Variants in CDIP1 observed in about 807,000 individuals in gnomAD.
The protein encoded by CDIP1 is cell death inducing p53 target 1.
CDIP1 carries 9 observed loss-of-function variants against 17.7 expected under a neutral mutation model. That is an observed-to-expected ratio of 0.51 (90% CI 0.31 to 0.89). CDIP1 has a LOEUF of 0.89. Among genes scored for constraint, CDIP1 ranks in the 40% least tolerant of loss-of-function variants. The pLI, the probability that CDIP1 is intolerant of heterozygous loss-of-function variation, is 0.05. For missense variants in CDIP1, 263 were observed against 277.9 expected (o/e 0.95, Z 0.38); for synonymous variants, 117 against 109.5 (o/e 1.07, Z -0.43).
chr16:4,521,620 G>A (rs116387935), intron 1 of CDIP1, among the ~76,000 whole-genome samples: 4 of 151,586 alleles, frequency 2.6e-5, no homozygotes, highest in Admixed American at 1.3e-4. Context: ...TCCAGCACTC[G>A]GGGAGGCCGA....
At chr16:4,520,633 A>G (rs2058936571) in intron 1 of CDIP1, among the ~76,000 whole-genome samples, 1 of 152,186 alleles carries the variant, frequency 6.6e-6, no homozygotes, top group African/African-American at 2.4e-5. Context: ...TATTTTTTTA[A>G]ATCACATTGC....
intron 1 of CDIP1, among the ~76,000 whole-genome samples, chr16:4,524,453 AC>A (rs2141646848): frequency 6.6e-6 from 1 of 152,350 alleles, no homozygotes; most frequent in East Asian, 1.9e-4. Context: ...AAGTCCATCA[AC>A]CAAGAGGGTC....
rs117229454 is a variant in CDIP1 at position 4,512,706 on chromosome 16, C to G, written c.516-23G>C. Reference sequence around the variant, plus strand: ...CATCTGAATCAGAGACAGGGAAGAACAGGCTGAGGCCTGCTGCGGAGGAGG... The same window carrying G: ...CATCTGAATCAGAGACAGGGAAGAAGAGGCTGAGGCCTGCTGCGGAGGAGG... On this transcript the variant is annotated intron_variant, in intron 5 of 5. Coordinates refer to ENST00000567695, the MANE Select transcript of CDIP1 (RefSeq NM_013399.3). This position sits in a 1 kb window ranked among gnomAD's most constrained non-coding sequence, Gnocchi z 4.6. 1.9e-6 allele frequency: 3 copies of G among 1,609,236 alleles called. No homozygotes were observed. The highest frequency in any genetic ancestry group is 2.2e-5 in the South Asian group (2 of 91,004).
Position 4,512,949 on chromosome 16 carries a change from T to C in CDIP1, c.357A>G (p.Ser119=), listed in dbSNP as rs1190930141. Residue 119 remains serine, a synonymous_variant, in exon 5 of 6, where the codon TCA becomes TCG. Coordinates refer to ENST00000567695, the MANE Select transcript of CDIP1 (RefSeq NM_013399.3). The surrounding 1 kb of genome is among the most constrained non-coding windows in gnomAD (Gnocchi z 4.6). The part of the protein sequence containing the change: ...GGHTATVLVP[S]GAATTVTVLQ... ...GCACTGTCACCGTGGTGGCAGCTCC[T>C]GAAGGGACCAGGACTGTGGCTGTGT... is the stretch of plus-strand genomic sequence containing the variant. 1 of 1,585,772 alleles carries C rather than the reference T, an allele frequency of 6.3e-7. No individual in the cohort carries two copies. The highest frequency in any genetic ancestry group is 8.6e-7 in the Non-Finnish European group (1 of 1,166,754).
chr16:4,522,295 A>C (rs950385519), intron 1 of CDIP1: 3 of 152,310 alleles, frequency 2.0e-5, no homozygotes, highest in African/African-American at 7.2e-5. Flanking sequence ...CAAGGTTGGC[A>C]ATGCCCCTGG....
Position 4,529,684 on chromosome 16 carries a change from A to T in CDIP1, c.-105+9018T>A, listed in dbSNP as rs2059035426. 2.0e-5 allele frequency among the ~76,000 whole-genome samples: 3 copies of T among 152,256 alleles called. No individual in the cohort carries two copies. The South Asian group carries it at 6.2e-4, about 32-fold the overall frequency. ...TTTAAGTGCTCAAAATGGAGCCCTT[A>T]AAAAAAATCCTTCTGTCTGCCTGTA... is the stretch of plus-strand genomic sequence containing the variant. On this transcript the variant is annotated intron_variant, in intron 1 of 5. Coordinates refer to ENST00000567695, the MANE Select transcript of CDIP1 (RefSeq NM_013399.3).
chr16:4,534,897 T>C (rs2059092409), intron 1 of CDIP1, among the ~76,000 whole-genome samples: 2 of 151,878 alleles, frequency 1.3e-5, no homozygotes, highest in Non-Finnish European at 2.9e-5. Context: ...TTTGTATTTT[T>C]AGTAGAGACG....
chr16:4,538,156 G>C (rs2059129826), intron 1 of CDIP1, among the ~76,000 whole-genome samples: 1 of 152,168 alleles, frequency 6.6e-6, no homozygotes, highest in African/African-American at 2.4e-5. Context: ...GTGCGGGCGA[G>C]CAGGCTGCCA....
chr16:4,522,672 C>A, intron 1 of CDIP1: 1 of 152,494 alleles, frequency 6.6e-6, no homozygotes, highest in Non-Finnish European at 1.5e-5. Context: ...ATGGCAAGGC[C>A]CAAACCAGGT....
In CDIP1 at chr16:4,514,268, C is replaced by T. The variant is rs891983717; in HGVS notation, c.-14-124G>A. 10 of 593,764 alleles carry T rather than the reference C, an allele frequency of 1.7e-5. No individual in the cohort carries two copies. Among genetic ancestry groups the T allele is most frequent in the Admixed American group, 3.9e-5 (1 of 25,810 alleles). 36.8% of individuals were successfully genotyped at this position (593,764 alleles called of 1,614,324 possible). On this transcript the variant is annotated intron_variant, in intron 2 of 5. Coordinates refer to ENST00000567695, the MANE Select transcript of CDIP1 (RefSeq NM_013399.3). The surrounding 1 kb of genome is among the most constrained non-coding windows in gnomAD (Gnocchi z 5.2). ...GACCATCCTCAGAAGGGTCTGCCTC[C>T]AGGCACTGGGGATCCCCCACCTTTC...
chr16:4,536,670 C>T (rs1285691040), intron 1 of CDIP1: 3 of 151,702 alleles, frequency 2.0e-5, no homozygotes, highest in Admixed American at 6.6e-5. Flanking sequence ...GGCACGGTAG[C>T]TCCTGCCTGT....
At position 4,520,330 on chromosome 16, in the gene CDIP1, C is replaced by G. The variant is rs189396263; in HGVS notation, c.-104-5666G>C. 2.6e-5 allele frequency among the ~76,000 whole-genome samples: 4 copies of G among 152,312 alleles called. No homozygotes were observed. The East Asian group carries it at 7.7e-4, about 29-fold the overall frequency. On this transcript the variant is annotated intron_variant, in intron 1 of 5. Coordinates refer to ENST00000567695, the MANE Select transcript of CDIP1 (RefSeq NM_013399.3). Reference sequence around the variant, plus strand: ...ATGTTGACCAGGATGGTCTCAATCTCTTGACCTCGTCATCTGCCCGCCTCG... The same window carrying G: ...ATGTTGACCAGGATGGTCTCAATCTGTTGACCTCGTCATCTGCCCGCCTCG...
chr16:4,521,773 A>C (rs1022889308), intron 1 of CDIP1, among the ~76,000 whole-genome samples: 1 of 151,288 alleles, frequency 6.6e-6, no homozygotes, highest in African/African-American at 2.4e-5. Flanking sequence ...GACCCCCAAG[A>C]CCCACCACTT....
At chr16:4,532,554 C>T (rs753310022) in intron 1 of CDIP1, 1 of 152,212 alleles carries the variant, frequency 6.6e-6, no homozygotes, top group Non-Finnish European at 1.5e-5. Flanking sequence ...CCTGATAAGC[C>T]GAGAGGCTTG....
rs2058826848 is a variant in CDIP1, at chr16:4,511,382, TCA to T, written c.*1188_*1189del. ...CTACAAACTGAGACTGGGCCACGAT[TCA>T]CAGTGACAGGAGGCCATGCAGTGGC... On this transcript the variant is annotated 3_prime_UTR_variant, in exon 6 of 6. Transcript: ENST00000567695. The T allele has an allele frequency of 6.5e-6, 1 of 152,860 alleles. No homozygotes were observed. Among genetic ancestry groups the T allele is most frequent in the South Asian group, 2.1e-4 (1 of 4,830 alleles). The allele number at this position is 152,860 out of a possible 1,614,324, so 9.5% of individuals were successfully genotyped here.
At chr16:4,518,105 G>A (rs2087006895) in intron 1 of CDIP1, among the ~76,000 whole-genome samples, 1 of 152,204 alleles carries the variant, frequency 6.6e-6, no homozygotes, top group African/African-American at 2.4e-5. Context: ...ACTGTGCTTG[G>A]TGAGTCACTG....
Position 4,512,730 on chromosome 16 carries a change from G to C in CDIP1, c.516-47C>G, listed in dbSNP as rs1395756383. 7 of 1,605,982 alleles carry C rather than the reference G, an allele frequency of 4.4e-6. No individual in the cohort carries two copies. The Admixed American group carries it at 1.2e-4, about 27-fold the overall frequency. On this transcript the variant is annotated intron_variant, in intron 5 of 5. Coordinates refer to ENST00000567695, the MANE Select transcript of CDIP1 (RefSeq NM_013399.3). The surrounding 1 kb of genome is among the most constrained non-coding windows in gnomAD (Gnocchi z 4.6). ...ACAGGCTGAGGCCTGCTGCGGAGGA[G>C]GCAGAGGCAGCCAGTTGACCCTGGT... is the stretch of plus-strand genomic sequence containing the variant.
intron 1 of CDIP1, among the ~76,000 whole-genome samples, chr16:4,521,085 C>T (rs547388633): frequency 5.6e-5 from 5 of 88,726 alleles, no homozygotes; most frequent in African/African-American, 1.4e-4. Context: ...TGATGCAACA[C>T]TGGTGTGTGT....
At position 4,513,142 on chromosome 16, in the gene CDIP1, C is replaced by A; in HGVS notation, c.242-78G>T. The A allele has an allele frequency of 7.2e-7, 1 of 1,387,632 alleles. No homozygotes were observed. The highest frequency in any genetic ancestry group is 9.6e-7 in the Non-Finnish European group (1 of 1,043,180). 86.0% of individuals were successfully genotyped at this position (1,387,632 alleles called of 1,614,324 possible). A position where few individuals can be genotyped will look rare whatever the true frequency, so the allele number is the denominator to read the frequency against. On this transcript the variant is annotated intron_variant, in intron 4 of 5. Coordinates refer to ENST00000567695, the MANE Select transcript of CDIP1 (RefSeq NM_013399.3). The surrounding 1 kb of genome is among the most constrained non-coding windows in gnomAD (Gnocchi z 4.1). ...CAGACAAAGAGATTGGCGCAAAGCC[C>A]CACGGTCCACAGCGCCCAGCGTGCA... is the stretch of plus-strand genomic sequence containing the variant.
Sources: allele counts gnomAD v4.1 joint callset (sites outside exome capture counted in the v4.1 genomes callset), GRCh38; gene constraint gnomAD v4.1.1; non-coding constraint Gnocchi (gnomAD v3.1); transcripts MANE v1.5; gene names NCBI Gene and HGNC (gene_info 2026-07-23, HGNC 2026-07-21).